TMEM223: variants seen among roughly 807,000 people sequenced by gnomAD.
The protein encoded by TMEM223 is transmembrane protein 223.
Under a neutral mutation model 14.1 loss-of-function variants are expected in TMEM223, and 14 were observed. The observed-to-expected ratio is 0.99, with a 90% confidence interval of 0.66 to 1.55. The LOEUF (loss-of-function observed/expected upper bound fraction) is 1.55, where lower values mean the gene tolerates loss of function less well. Among genes scored for constraint, TMEM223 ranks in the 40% most tolerant of loss-of-function variants. The pLI, the probability that TMEM223 is intolerant of heterozygous loss-of-function variation, is 0.00. For synonymous variants in TMEM223, 145 were observed against 120.5 expected (o/e 1.20, Z -1.33); for missense variants, 346 against 269.9 (o/e 1.28, Z -1.97).
In TMEM223 at chr11:62,791,885, A is replaced by G; in HGVS notation, c.110T>C (p.Phe37Ser). ...GTTLQRDVLL[F>S]EHDRGRFFTI... ...GAAGAAGCGGCCCCGATCATGCTCA[A>G]AGAGCAGCACATCCCGTTGCAGCGT... The change falls in exon 1 of 2, where the codon TTT becomes TCT. Residue 37 changes from phenylalanine to serine, a missense_variant. Transcript: ENST00000307366. The G allele has an allele frequency of 6.3e-7, 1 of 1,598,858 alleles. No homozygotes were observed. The highest frequency in any genetic ancestry group is 1.1e-5 in the South Asian group (1 of 88,328).
chr11:62,780,493 A>G (rs1406454024), intron 1 of TMEM223, among the ~76,000 whole-genome samples: 2 of 152,050 alleles, frequency 1.3e-5, no homozygotes, highest in Non-Finnish European at 2.9e-5. Context: ...CCTGGGCAAC[A>G]AGAACAAAAC....
downstream of TMEM223, chr11:62,788,942 A>G (rs2134740338): frequency 6.9e-7 from 1 of 1,445,470 alleles, no homozygotes; most frequent in Non-Finnish European, 9.4e-7. Context: ...ACCATTCCTA[A>G]GTTATCACTA....
At chr11:62,780,209 T>C (rs990319274) in intron 1 of TMEM223, among the ~76,000 whole-genome samples, 13 of 151,524 alleles carry the variant, frequency 8.6e-5, no homozygotes, top group African/African-American at 3.2e-4. Flanking sequence ...TCCCAGCTAC[T>C]CGGGAGGCTG....
chr11:62,788,290 C>G (rs1025385948), downstream of TMEM223, among the ~76,000 whole-genome samples: 2 of 152,186 alleles, frequency 1.3e-5, no homozygotes, highest in African/African-American at 4.8e-5. Context: ...GTAATCCCAG[C>G]TACTTCGGAG....
downstream of TMEM223, chr11:62,786,818 C>T (rs1307903342): frequency 4.4e-6 from 7 of 1,605,792 alleles, no homozygotes; most frequent in East Asian, 2.2e-5. Context: ...CCTGCACCCA[C>T]GGCTCCGCGG....
chr11:62,782,340 A>G lies in TMEM223; in HGVS notation c.315-7675T>C, dbSNP rs145152339. Reference sequence around the variant, plus strand: ...TGCTCAGCCACATCTTCTGGTAGCCACTGGGCCTAAACCTGCGGGTGGGAT... The same window carrying G: ...TGCTCAGCCACATCTTCTGGTAGCCGCTGGGCCTAAACCTGCGGGTGGGAT... On this transcript the variant is annotated intron_variant, in intron 1 of 2. Transcript: ENST00000528367. The G allele has an allele frequency of 5.7e-4, 920 of 1,612,628 alleles. 3 individuals are homozygous for G. In the African/African-American group the frequency reaches 9.4e-3, roughly 17 times the overall value.
chr11:62,780,893 C>T (rs11231215), intron 1 of TMEM223, among the ~76,000 whole-genome samples: 10,922 of 144,780 alleles, frequency 0.075, 442 homozygotes, highest in East Asian at 0.15. Context: ...GCCGAGATCG[C>T]GCCACCGCAC....
At chr11:62,784,680 G>A (rs977493156), downstream of TMEM223, among the ~76,000 whole-genome samples, 8 of 152,216 alleles carry the variant, frequency 5.3e-5, no homozygotes, top group Admixed American at 5.2e-4. Context: ...GAAATGATCC[G>A]AAGGCTTTTC....
chr11:62,789,677 G>C (rs1406098795), downstream of TMEM223: 29 of 1,542,158 alleles, frequency 1.9e-5, no homozygotes, highest in Non-Finnish European at 2.4e-5. Flanking sequence ...ACACAATGCT[G>C]AAGTGAGACC....
chr11:62,787,637 T>C, downstream of TMEM223: 1 of 1,348,464 alleles, frequency 7.4e-7, no homozygotes, highest in Non-Finnish European at 9.8e-7. Context: ...CCGGTGGACC[T>C]GGTGAGGCAC....
chr11:62,787,941 A>G (rs2084307901), downstream of TMEM223: 1 of 489,562 alleles, frequency 2.0e-6, no homozygotes. Flanking sequence ...ACATGATTGT[A>G]GCACAGTGTG....
At chr11:62,780,414 C>T (rs542387603) in intron 1 of TMEM223, among the ~76,000 whole-genome samples, 4 of 150,584 alleles carry the variant, frequency 2.7e-5, no homozygotes, top group East Asian at 2.0e-4. Context: ...AGGAGGCTGA[C>T]GCAGGAGAAT....
chr11:62,788,226 A>AACTC (rs1399502352), downstream of TMEM223, among the ~76,000 whole-genome samples: 1 of 150,700 alleles, frequency 6.6e-6, no homozygotes, highest in African/African-American at 2.5e-5. Context: ...AACATGGCAA[A>AACTC]ACTCTGTCTC....
At chr11:62,779,915 C>T (rs2084214535) in intron 1 of TMEM223, among the ~76,000 whole-genome samples, 1 of 145,590 alleles carries the variant, frequency 6.9e-6, no homozygotes, top group Non-Finnish European at 1.5e-5. Context: ...ATCCACCCGC[C>T]TCTGCCTCCC....
intron 1 of TMEM223, chr11:62,775,989 C>T: frequency 6.5e-7 from 1 of 1,542,000 alleles, no homozygotes; most frequent in Non-Finnish European, 8.8e-7. Context: ...TTTTTACTAA[C>T]CTCCACCCTC....
chr11:62,780,719 C>T lies in TMEM223; in HGVS notation c.315-6054G>A, dbSNP rs187086523. ...CCGAGGTGGGTGGATCATGTGAGGCCGGGAGTTCGAGACCAGCCTGGCCAA... is the reference window on the plus strand; with the variant it reads ...CCGAGGTGGGTGGATCATGTGAGGCTGGGAGTTCGAGACCAGCCTGGCCAA... On this transcript the variant is annotated intron_variant, in intron 1 of 2. Transcript: ENST00000528367. Among the ~76,000 whole-genome samples, 454 of 151,600 alleles carry T rather than the reference C, an allele frequency of 3.0e-3. 6 individuals carry two copies. Among genetic ancestry groups the T allele is most frequent in the African/African-American group, 0.01 (430 of 41,294 alleles).
At chr11:62,783,795 A>G (rs973280032), downstream of TMEM223, among the ~76,000 whole-genome samples, 4 of 151,864 alleles carry the variant, frequency 2.6e-5, no homozygotes, top group Middle Eastern at 3.4e-3. Flanking sequence ...GGCTTCCCAT[A>G]GTGCTGGGAT....
In TMEM223 at chr11:62,790,381, A is replaced by G. The variant is rs114389564; in HGVS notation, c.*242T>C. The G allele has an allele frequency of 3.3e-3, 1,820 of 558,920 alleles. 22 individuals are homozygous for G. The highest frequency in any genetic ancestry group is 0.032 in the African/African-American group (1,715 of 52,880). 34.6% of individuals were successfully genotyped at this position (558,920 alleles called of 1,614,324 possible). A position where few individuals can be genotyped will look rare whatever the true frequency, so the allele number is the denominator to read the frequency against. ...CTGCTCCTTTATTTGTTGTTAATGA[A>G]TCTTGACCTCCTTGTGTGACCCTGG... On this transcript the variant is annotated 3_prime_UTR_variant, in exon 2 of 2. Coordinates refer to ENST00000307366, the MANE Select transcript of TMEM223 (RefSeq NM_001080501.3).
intron 2 of TMEM223, among the ~76,000 whole-genome samples, chr11:62,772,459 G>A (rs1159772078): frequency 2.0e-5 from 3 of 150,884 alleles, no homozygotes. Context: ...GGAGGCAGAG[G>A]TTGTAGTGAG....
Sources: allele counts gnomAD v4.1 joint callset (sites outside exome capture counted in the v4.1 genomes callset), GRCh38; gene constraint gnomAD v4.1.1; transcripts MANE v1.5; gene names NCBI Gene and HGNC (gene_info 2026-07-23, HGNC 2026-07-21).